The following PRKN variants were observed in gnomAD, a reference collection of about 807,000 sequenced individuals.
PRKN encodes the protein E3 ubiquitin-protein ligase parkin.
A neutral mutation model predicts 59.5 loss-of-function variants in PRKN; 56 were observed. That is an observed-to-expected ratio of 0.94 (90% confidence interval 0.76 to 1.18). PRKN has a LOEUF of 1.18. Among genes scored for constraint, PRKN ranks in the 50% most tolerant of loss-of-function variants. The probability of loss-of-function intolerance (pLI) is 0.00; values close to 1 mark genes in which losing one functional copy is unlikely to be tolerated. For missense variants in PRKN, 657 were observed against 596.4 expected (o/e 1.10, Z -1.06); for synonymous variants, 250 against 222.1 (o/e 1.13, Z -1.12).
chr6:162,338,872 G>T (rs1255932385), intron 2 of PRKN, among the ~76,000 whole-genome samples: 3 of 138,228 alleles, frequency 2.2e-5, no homozygotes, highest in Non-Finnish European at 4.6e-5. Context: ...GCCGCCCATC[G>T]TCTGAGATGT....
chr6:161,798,221 C>G (rs1041966683), intron 6 of PRKN, among the ~76,000 whole-genome samples: 3 of 152,046 alleles, frequency 2.0e-5, no homozygotes, highest in Admixed American at 6.6e-5. Flanking sequence ...AGCAAACAAA[C>G]CAAACCAAAC....
chr6:162,487,003 G>T (rs540814164), intron 1 of PRKN, among the ~76,000 whole-genome samples: 99 of 152,214 alleles, frequency 6.5e-4, no homozygotes, highest in African/African-American at 2.2e-3. Flanking sequence ...CTAGGAGGCA[G>T]AGGTTGCAGT....
At chr6:162,233,465 T>G (rs1264396623) in intron 3 of PRKN, among the ~76,000 whole-genome samples, 1 of 152,156 alleles carries the variant, frequency 6.6e-6, no homozygotes, top group Non-Finnish European at 1.5e-5. Flanking sequence ...AAACCTGGAT[T>G]AAAAACTAAT....
At chr6:161,720,405 A>G (rs16892961) in intron 7 of PRKN, among the ~76,000 whole-genome samples, 36,117 of 151,970 alleles carry the variant, frequency 0.24, 7,368 homozygotes, top group African/African-American at 0.56. Flanking sequence ...TTGGGACTCA[A>G]TGCTGTCAAT....
intron 7 of PRKN, among the ~76,000 whole-genome samples, chr6:161,603,147 AT>A (rs1385708612): frequency 2.6e-5 from 4 of 151,604 alleles, no homozygotes; most frequent in East Asian, 1.9e-4. Context: ...TAAATTGCCG[AT>A]TTTTTTTTGG....
chr6:162,150,118 A>T (rs1173151797), intron 4 of PRKN, among the ~76,000 whole-genome samples: 1 of 152,174 alleles, frequency 6.6e-6, no homozygotes, highest in Non-Finnish European at 1.5e-5. Flanking sequence ...TCCCAATACC[A>T]AACACATCCA....
chr6:161,577,980 C>T (rs1206811696), intron 7 of PRKN, among the ~76,000 whole-genome samples: 11 of 152,120 alleles, frequency 7.2e-5, no homozygotes. Context: ...CTTGAGTGTA[C>T]ACTTACTATG....
At chr6:162,223,424 C>G (rs997521643) in intron 3 of PRKN, among the ~76,000 whole-genome samples, 1 of 151,972 alleles carries the variant, frequency 6.6e-6, no homozygotes, top group Non-Finnish European at 1.5e-5. Flanking sequence ...GCTAATAGCA[C>G]TATTAGTAGC....
intron 5 of PRKN, among the ~76,000 whole-genome samples, chr6:161,982,133 A>C (rs1257920597): frequency 6.6e-6 from 1 of 152,194 alleles, no homozygotes; most frequent in Non-Finnish European, 1.5e-5. Flanking sequence ...GTGTAATGCC[A>C]CTCAGCCATA....
intron 1 of PRKN, among the ~76,000 whole-genome samples, chr6:162,443,777 T>A (rs764454803): frequency 6.6e-6 from 1 of 152,258 alleles, no homozygotes; most frequent in Admixed American, 6.5e-5. Context: ...TTGATTGGAA[T>A]TGAAAGAGTC....
chr6:162,272,312 T>C (rs1239247099), intron 2 of PRKN, among the ~76,000 whole-genome samples: 1 of 152,202 alleles, frequency 6.6e-6, no homozygotes, highest in African/African-American at 2.4e-5. Context: ...TTTAAAATTG[T>C]GTTTTATATT....
chr6:162,594,389 G>A (rs759713121), intron 1 of PRKN, among the ~76,000 whole-genome samples: 1 of 152,064 alleles, frequency 6.6e-6, no homozygotes, highest in African/African-American at 2.4e-5. Flanking sequence ...TTCATGATAT[G>A]ATATCCACTA....
intron 2 of PRKN, among the ~76,000 whole-genome samples, chr6:162,413,190 T>G (rs1788434010): frequency 6.6e-6 from 1 of 152,178 alleles, no homozygotes; most frequent in Non-Finnish European, 1.5e-5. Flanking sequence ...TTTAAAAGAC[T>G]AAAAACTCTC....
At chr6:162,285,063 G>A (rs983927784) in intron 2 of PRKN, among the ~76,000 whole-genome samples, 1 of 152,078 alleles carries the variant, frequency 6.6e-6, no homozygotes, top group African/African-American at 2.4e-5. Context: ...ACATCTGTAA[G>A]CCCAGGAGAG....
At position 161,731,805 on chromosome 6, in the gene PRKN, A is replaced by C. The variant is rs1358043943; in HGVS notation, c.871+53967T>G. ...ATGTCTAAGCAGCAAGCTACAATTA[A>C]CATGGAAGACAAATTGTGAGCACAA... On this transcript the variant is annotated intron_variant, in intron 7 of 11. Coordinates refer to ENST00000366898, the MANE Select transcript of PRKN (RefSeq NM_004562.3). Among the ~76,000 whole-genome samples, 3 of 152,362 alleles carry C rather than the reference A, an allele frequency of 2.0e-5. No homozygotes were observed. In the East Asian group the frequency reaches 5.8e-4, roughly 29 times the overall value.
intron 1 of PRKN, among the ~76,000 whole-genome samples, chr6:162,619,568 G>A (rs1225821998): frequency 6.6e-6 from 1 of 152,084 alleles, no homozygotes; most frequent in Non-Finnish European, 1.5e-5. Context: ...GCGTATTGGT[G>A]CCACTACCAG....
At chr6:162,339,862 A>G (rs1784084740) in intron 2 of PRKN, among the ~76,000 whole-genome samples, 1 of 149,072 alleles carries the variant, frequency 6.7e-6, no homozygotes, top group African/African-American at 2.5e-5. Flanking sequence ...TCTCTGAAAC[A>G]TGTGCTGTGT....
At chr6:161,647,096 T>C (rs1165763161) in intron 7 of PRKN, among the ~76,000 whole-genome samples, 1 of 152,120 alleles carries the variant, frequency 6.6e-6, no homozygotes, top group East Asian at 1.9e-4. Flanking sequence ...GCAGGGGAAA[T>C]TGTATTAATA....
At chr6:161,639,630 G>A (rs1008312570) in intron 7 of PRKN, among the ~76,000 whole-genome samples, 1 of 152,140 alleles carries the variant, frequency 6.6e-6, no homozygotes, top group South Asian at 2.1e-4. Flanking sequence ...GCCCAGCCCC[G>A]ATCCAGCCCC....
Sources: allele counts gnomAD v4.1 joint callset (sites outside exome capture counted in the v4.1 genomes callset), GRCh38; gene constraint gnomAD v4.1.1; transcripts MANE v1.5; gene names NCBI Gene and HGNC (gene_info 2026-07-23, HGNC 2026-07-21).